NOTCH3: variants seen among roughly 807,000 people sequenced by gnomAD.
The protein encoded by NOTCH3 is neurogenic locus notch homolog protein 3.
NOTCH3 carries 86 observed loss-of-function variants against 213.3 expected under a neutral mutation model. That is an observed-to-expected ratio of 0.40 (90% confidence interval 0.34 to 0.48). The LOEUF (loss-of-function observed/expected upper bound fraction) is 0.48, where lower values mean the gene tolerates loss of function less well. Among genes scored for constraint, NOTCH3 ranks in the 20% least tolerant of loss-of-function variants. The pLI, the probability that NOTCH3 is intolerant of heterozygous loss-of-function variation, is 0.57. For missense variants in NOTCH3, 2,783 were observed against 3,272.6 expected, an observed-to-expected ratio of 0.85 and a Z score of 3.65; for synonymous variants, 1,354 against 1,355.9, an observed-to-expected ratio of 1.00 and a Z score of 0.03.
chr19:15,197,441 G>GCCCCA, intron 2 of NOTCH3, 59 bp downstream of exon 2: 2 of 768,360 alleles, frequency 2.6e-6, no homozygotes, highest in East Asian at 2.7e-5. Context: ...AAGACAAATC[G>GCCCCA]CCCCTCCCCC....
intron 1 of NOTCH3, 42 bp from the exon 2 acceptor site, chr19:15,197,620 C>T (rs1442971595): frequency 6.3e-7 from 1 of 1,580,046 alleles, no homozygotes; most frequent in South Asian, 1.1e-5. Flanking sequence ...GCCAGGTGCC[C>T]AGGAACCCCA....
At chr19:15,172,532 T>C (rs927954080) in intron 25 of NOTCH3, among the ~76,000 whole-genome samples, 6 of 151,886 alleles carry the variant, frequency 4.0e-5, no homozygotes, top group African/African-American at 1.5e-4. Context: ...TCCCAATATC[T>C]GCAAAACCCA....
chr19:15,173,421 CAAAAAA>C (rs71168587), intron 25 of NOTCH3, among the ~76,000 whole-genome samples: 10 of 68,790 alleles, frequency 1.5e-4, no homozygotes, highest in East Asian at 5.6e-4. Context: ...GACTCCGTCT[CAAAAAA>C]AAAAAAAAAA....
At chr19:15,199,706 G>T (rs889184977) in intron 1 of NOTCH3, among the ~76,000 whole-genome samples, 2 of 152,210 alleles carry the variant, frequency 1.3e-5, no homozygotes, top group African/African-American at 4.8e-5. Context: ...GGCCATGTGT[G>T]TGCGCCGCTG....
chr19:15,179,148 C>T lies in NOTCH3; in HGVS notation c.3595G>A (p.Gly1199Ser). 2 of 1,614,160 alleles carry T rather than the reference C, an allele frequency of 1.2e-6. No homozygotes were observed. The highest frequency in any genetic ancestry group is 1.7e-6 in the Non-Finnish European group (2 of 1,180,014). ...TTGATGTCTGCCTCGCAGCGCAAAC[C>T]AGTGTATCCTGGGGGACAGGTGCAG... Reference protein sequence around the residue: ...FRCTCPPGYTGLRCEADINEC... With the variant: ...FRCTCPPGYTSLRCEADINEC... Residue 1199 changes from glycine to serine, a missense_variant, in exon 22 of 33, where the codon GGT becomes AGT. Coordinates refer to ENST00000263388, the MANE Select transcript of NOTCH3 (RefSeq NM_000435.3).
chr19:15,177,029 G>A (rs1568353632), intron 24 of NOTCH3, among the ~76,000 whole-genome samples: 1 of 134,328 alleles, frequency 7.4e-6, no homozygotes, highest in East Asian at 2.2e-4. Context: ...CCAAGATGGA[G>A]CCATTGCACT....
rs1452356256 is a variant in NOTCH3 at position 15,161,572 on chromosome 19, T to C, written c.6056A>G (p.Asp2019Gly). Residue 2019 changes from aspartate to glycine, a missense_variant, in exon 33 of 33, where the codon GAC (aspartate) becomes GGC (glycine). Asp to Gly is a moderately conservative substitution (Grantham distance 94). Around this residue, in one of 6 missense-constraint regions of NOTCH3, gnomAD observed 441 missense variants for 432.1 expected, o/e 1.02. Transcript: ENST00000263388. ...GGGTTGATCCAGCAAGCGCACGATG[T>C]CCTGGTGCAGTCTCTCCTGGGCTAC... ...RDVAQERLHQ[D>G]IVRLLDQPSG... The C allele has an allele frequency of 6.2e-7, 1 of 1,610,770 alleles. No homozygotes were observed. The highest frequency in any genetic ancestry group is 8.5e-7 in the Non-Finnish European group (1 of 1,178,766).
At position 15,170,844 on chromosome 19, in the gene NOTCH3, G is replaced by A. The variant is rs180755159; in HGVS notation, c.4737-19C>T. On this transcript the variant is annotated intron_variant, in intron 25 of 32. Coordinates refer to ENST00000263388, the MANE Select transcript of NOTCH3 (RefSeq NM_000435.3). The stretch of plus-strand genomic sequence containing the variant: ...TACCGAGCTGCAGGGACAGCAGGGA[G>A]GGACCAGAGGGCTCAAAAATTGCCC... 299 of 1,612,210 alleles carry A rather than the reference G, an allele frequency of 1.9e-4. 1 individual carries two copies. In the African/African-American group the frequency reaches 3.5e-3, roughly 19 times the overall value.
intron 10 of NOTCH3, among the ~76,000 whole-genome samples, 162 bp downstream of exon 10, chr19:15,187,715 GCCTT>G (rs2046894889): frequency 1.3e-5 from 2 of 151,882 alleles, no homozygotes; most frequent in Non-Finnish European, 2.9e-5. Context: ...TCCACACGTA[GCCTT>G]ATGTCAGTCT....
At chr19:15,199,448 G>T (rs987858276) in intron 1 of NOTCH3, among the ~76,000 whole-genome samples, 1 of 152,198 alleles carries the variant, frequency 6.6e-6, no homozygotes, top group Non-Finnish European at 1.5e-5. Flanking sequence ...ATCTGCATGT[G>T]TGAGCTGGGT....
rs145859816 is a variant in NOTCH3 at position 15,161,530 on chromosome 19, G to T, written c.6098C>A (p.Pro2033His). Residue 2033 changes from proline (P) to histidine (H), a missense_variant, in exon 33 of 33, where the codon CCC becomes CAC. Physicochemically the swap from Pro to His is moderately conservative, Grantham distance 77. Transcript: ENST00000263388. ...LLDQPSGPRSPPGPHGLGPLL... is the reference protein window; with the variant it reads ...LLDQPSGPRSHPGPHGLGPLL... ...AGGCCCCAGGCCGTGGGGACCGGGG[G>T]GGCTGCGGGGCCCACTGGGTTGATC... 1.2e-6 allele frequency: 2 copies of T among 1,602,302 alleles called. No homozygotes were observed. Among genetic ancestry groups the T allele is most frequent in the Non-Finnish European group, 1.7e-6 (2 of 1,174,752 alleles).
rs757831549 is a variant in NOTCH3 at position 15,167,235 on chromosome 19, G to T, written c.5362+14C>A. On this transcript the variant is annotated intron_variant, in intron 29 of 32. Coordinates refer to ENST00000263388, the MANE Select transcript of NOTCH3 (RefSeq NM_000435.3). Reference sequence around the variant, plus strand: ...GGTGAGGGGCATCCCTTTGGGAGGGGCACTGTCACTAACCTGGGCCACGCA... The same window carrying T: ...GGTGAGGGGCATCCCTTTGGGAGGGTCACTGTCACTAACCTGGGCCACGCA... 1 of 1,606,944 alleles carries T rather than the reference G, an allele frequency of 6.2e-7. No homozygotes were observed. Among genetic ancestry groups the T allele is most frequent in the Admixed American group, 1.7e-5 (1 of 59,940 alleles).
At chr19:15,172,359 G>A (rs1272304161) in intron 25 of NOTCH3, among the ~76,000 whole-genome samples, 4 of 152,040 alleles carry the variant, frequency 2.6e-5, no homozygotes, top group East Asian at 3.9e-4. Flanking sequence ...TAGCCCCCAG[G>A]TATCTCCTTG....
Position 15,161,407 on chromosome 19 carries a change from G to A in NOTCH3, c.6221C>T (p.Pro2074Leu), listed in dbSNP as rs114447350. 4.8e-3 allele frequency: 7,263 copies of A among 1,525,304 alleles called. 287 individuals carry two copies. In the African/African-American group the frequency reaches 0.089, roughly 19 times the overall value. The allele number at this position is 1,525,304 out of a possible 1,614,324, so 94.5% of individuals were successfully genotyped here. Reference protein sequence around the residue: ...RRPPGKAGLGPQGPRGRGKKL... With the variant: ...RRPPGKAGLGLQGPRGRGKKL... The stretch of plus-strand genomic sequence containing the variant: ...CTTGCCCCGCCCCCGGGGCCCCTGC[G>A]GCCCCAGCCCCGCCTTCCCGGGGGG... Residue 2074 changes from proline to leucine, a missense_variant, in exon 33 of 33, where the codon CCG (proline) becomes CTG (leucine). Pro to Leu is a moderately conservative substitution (Grantham distance 98, BLOSUM62 -3). Transcript: ENST00000263388.
chr19:15,192,317 G>A lies in NOTCH3; in HGVS notation c.341-19C>T. 1 of 1,611,268 alleles carries A rather than the reference G, an allele frequency of 6.2e-7. No individual in the cohort carries two copies. The highest frequency in any genetic ancestry group is 8.5e-7 in the Non-Finnish European group (1 of 1,179,352). On this transcript the variant is annotated intron_variant, in intron 3 of 32. Coordinates refer to ENST00000263388, the MANE Select transcript of NOTCH3 (RefSeq NM_000435.3). The stretch of plus-strand genomic sequence containing the variant: ...TCAGGGCCTGGAGGGACCAGGACAG[G>A]GTGAGTTTAGGACTGACCACACCCC...
At chr19:15,166,553 C>T (rs935318965) in intron 29 of NOTCH3, among the ~76,000 whole-genome samples, 1 of 152,140 alleles carries the variant, frequency 6.6e-6, no homozygotes, top group African/African-American at 2.4e-5. Flanking sequence ...AAATCCCAGG[C>T]ACTTCAGGCC....
intron 25 of NOTCH3, among the ~76,000 whole-genome samples, chr19:15,171,120 G>C (rs910754513): frequency 6.6e-6 from 1 of 152,156 alleles, no homozygotes; most frequent in African/African-American, 2.4e-5. Context: ...TCCCCTCCTG[G>C]GTTCAAGCGA....
intron 32 of NOTCH3, 118 bp downstream of exon 32, chr19:15,162,347 A>G (rs776639823): frequency 4.9e-6 from 4 of 814,628 alleles, no homozygotes; most frequent in Non-Finnish European, 8.1e-6. Context: ...ATTTTAATCC[A>G]ATGTTTGGGG....
intron 24 of NOTCH3, among the ~76,000 whole-genome samples, chr19:15,175,552 A>AAAAAAAAACAT (rs1273195882): frequency 4.2e-5 from 1 of 24,006 alleles, no homozygotes; most frequent in East Asian, 9.2e-4. Context: ...AAAAAAAAAA[A>AAAAAAAAACAT]ATACATATAT....
Sources: allele counts gnomAD v4.1 joint callset (sites outside exome capture counted in the v4.1 genomes callset), GRCh38; gene constraint gnomAD v4.1.1; regional missense constraint gnomAD v4.1.1; transcripts MANE v1.5; gene names NCBI Gene and HGNC (gene_info 2026-07-23, HGNC 2026-07-21).